Variants in MMP2 observed in about 807,000 individuals in gnomAD.
MMP2 encodes 72 kDa type IV collagenase.
In MMP2, 39 loss-of-function variants were observed where a neutral mutation model predicts 74.8. The observed-to-expected ratio is 0.52, with a 90% CI of 0.40 to 0.68. MMP2 has a LOEUF of 0.68. MMP2 is among the 30% of genes least tolerant of loss of function. The pLI is 0.00. For synonymous variants in MMP2, 367 were observed against 339.8 expected, an observed-to-expected ratio of 1.08 and a Z score of -0.88; for missense variants, 803 against 878.3, an observed-to-expected ratio of 0.91 and a Z score of 1.08.
chr16:55,486,426 G>A (rs1294409679), intron 5 of MMP2, among the ~76,000 whole-genome samples: 1 of 147,360 alleles, frequency 6.8e-6, no homozygotes, highest in Non-Finnish European at 1.5e-5. Context: ...CCTCTCTTGG[G>A]CACTGTCTTT....
intron 7 of MMP2, among the ~76,000 whole-genome samples, chr16:55,490,365 CA>C (rs1962375666): frequency 6.6e-6 from 1 of 152,226 alleles, no homozygotes; most frequent in Non-Finnish European, 1.5e-5. Context: ...CATCAGTCAG[CA>C]CCATCTGTTA....
intron 11 of MMP2, among the ~76,000 whole-genome samples, chr16:55,498,973 G>A (rs1339817569): frequency 6.6e-6 from 1 of 152,092 alleles, no homozygotes; most frequent in African/African-American, 2.4e-5. Context: ...TTCCAGATCA[G>A]CCTGGCCACA....
At chr16:55,486,346 C>CGTGT (rs1555491716) in intron 5 of MMP2, among the ~76,000 whole-genome samples, 794 of 43,778 alleles carry the variant, frequency 0.018, 5 homozygotes, top group Non-Finnish European at 0.02. Context: ...TGTGTGTGTG[C>CGTGT]CTGTGTGTGT....
chr16:55,485,526 C>A, intron 4 of MMP2, 78 bp from the exon 5 acceptor site: 1 of 1,611,056 alleles, frequency 6.2e-7, no homozygotes, highest in South Asian at 1.1e-5. Flanking sequence ...GAAAGTCACA[C>A]ATCTGGGTGA....
chr16:55,480,078 C>T (rs1255007136), intron 1 of MMP2: 16 of 167,150 alleles, frequency 9.6e-5, no homozygotes, highest in Non-Finnish European at 1.9e-4. Context: ...CAAACAGCTA[C>T]AGGGGTCGTT....
chr16:55,479,979 G>C, intron 1 of MMP2: 2 of 8,660 alleles, frequency 2.3e-4, no homozygotes, highest in Non-Finnish European at 5.8e-4. Context: ...GACATTTGGC[G>C]GGGGGGGGGG....
At chr16:55,491,633 T>A (rs1482247492) in intron 7 of MMP2, among the ~76,000 whole-genome samples, 168 bp from the exon 8 acceptor site, 2 of 151,916 alleles carry the variant, frequency 1.3e-5, no homozygotes, top group African/African-American at 4.8e-5. Flanking sequence ...TGTGTATTGA[T>A]CCCAGAATTC....
intron 7 of MMP2, among the ~76,000 whole-genome samples, chr16:55,490,427 C>T (rs1396299797): frequency 1.3e-5 from 2 of 152,178 alleles, no homozygotes; most frequent in Admixed American, 6.5e-5. Context: ...GAGGATGGAG[C>T]TGACTGGGAC....
At chr16:55,488,986 C>T (rs1040996770) in intron 6 of MMP2, among the ~76,000 whole-genome samples, 3 of 152,180 alleles carry the variant, frequency 2.0e-5, no homozygotes, top group African/African-American at 7.2e-5. Flanking sequence ...ATCCTCTGAC[C>T]GACCTGCATC....
At chr16:55,497,124 G>A (rs2142366100) in intron 10 of MMP2, 62 bp downstream of exon 10, 1 of 1,610,394 alleles carries the variant, frequency 6.2e-7, no homozygotes, top group African/African-American at 1.3e-5. Context: ...AGGGCTCCTG[G>A]GTGTCCCAGG....
At chr16:55,498,168 A>T in intron 10 of MMP2, 121 bp from the exon 11 acceptor site, 2 of 1,277,482 alleles carry the variant, frequency 1.6e-6, no homozygotes, top group Non-Finnish European at 1.1e-6. Flanking sequence ...AGGAGTGAGC[A>T]GGAAGTTGCA....
At chr16:55,479,166 G>A, upstream of MMP2, 1 of 204,976 alleles carries the variant, frequency 4.9e-6, no homozygotes, top group Non-Finnish European at 9.7e-6. Flanking sequence ...AGCCCAGCCG[G>A]CTACATCTGG....
intron 12 of MMP2, among the ~76,000 whole-genome samples, chr16:55,504,330 C>T (rs1375747013): frequency 1.3e-5 from 2 of 152,076 alleles, no homozygotes; most frequent in African/African-American, 4.8e-5. Context: ...CAAATAAAAC[C>T]CATCTGTGGG....
At chr16:55,485,517 A>G in intron 4 of MMP2, 87 bp from the exon 5 acceptor site, 1 of 1,611,788 alleles carries the variant, frequency 6.2e-7, no homozygotes, top group Non-Finnish European at 8.5e-7. Flanking sequence ...GGAGGGGAGG[A>G]AAGTCACACA....
intron 7 of MMP2, among the ~76,000 whole-genome samples, chr16:55,490,397 C>A (rs938171523): frequency 3.9e-5 from 6 of 152,202 alleles, no homozygotes; most frequent in Non-Finnish European, 5.9e-5. Context: ...AATGGTGGGT[C>A]CTCGTCAGTC....
chr16:55,479,983 G>GGGT (rs1288172193), intron 1 of MMP2: 2 of 294,282 alleles, frequency 6.8e-6, no homozygotes, highest in East Asian at 1.9e-4. Context: ...TTTGGCGGGG[G>GGGT]GGGGGGGCGG....
rs886052125 is a variant in MMP2, at chr16:55,485,357, C to G, written c.588C>G (p.Ala196=). 1 of 1,614,102 alleles carries G rather than the reference C, an allele frequency of 6.2e-7. No individual in the cohort carries two copies. The highest frequency in any genetic ancestry group is 1.7e-5 in the Admixed American group (1 of 60,012). The change falls in exon 4 of 13, where the codon GCC becomes GCG. Residue 196 remains alanine (A), a synonymous_variant. Coordinates refer to ENST00000219070, the MANE Select transcript of MMP2 (RefSeq NM_004530.6). The part of the protein sequence containing the change: ...GKDGLLAHAF[A]PGTGVGGDSH... Reference sequence around the variant, plus strand: ...ACGGACTCCTGGCTCATGCCTTCGCCCCAGGCACTGGTGTTGGGGGAGACT... The same window carrying G: ...ACGGACTCCTGGCTCATGCCTTCGCGCCAGGCACTGGTGTTGGGGGAGACT...
chr16:55,500,205 A>G (rs1326979417), intron 11 of MMP2, among the ~76,000 whole-genome samples: 1 of 152,160 alleles, frequency 6.6e-6, no homozygotes, highest in Non-Finnish European at 1.5e-5. Flanking sequence ...CACCAGCTCC[A>G]GACACTAGCC....
chr16:55,480,636 A>G (rs1962076062), intron 1 of MMP2: 1 of 152,384 alleles, frequency 6.6e-6, no homozygotes, highest in African/African-American at 2.4e-5. Context: ...CCAGGGACCC[A>G]TCAAGATGTC....
Sources: allele counts gnomAD v4.1 joint callset (sites outside exome capture counted in the v4.1 genomes callset), GRCh38; gene constraint gnomAD v4.1.1; transcripts MANE v1.5; gene names NCBI Gene and HGNC (gene_info 2026-07-23, HGNC 2026-07-21).